FAF1: variants seen among roughly 807,000 people sequenced by gnomAD.
FAF1 encodes the protein FAS-associated factor 1.
Under a neutral mutation model 92.5 loss-of-function variants are expected in FAF1, and 25 were observed. That is an observed-to-expected ratio of 0.27 (90% CI 0.20 to 0.38). The LOEUF (loss-of-function observed/expected upper bound fraction) is 0.38, where lower values mean the gene tolerates loss of function less well. FAF1 is among the 10% of genes least tolerant of loss of function. FAF1 has a pLI of 1.00. For missense variants in FAF1, 636 were observed against 793.3 expected (o/e 0.80, Z 2.38); for synonymous variants, 234 against 273.2 (o/e 0.86, Z 1.42).
intron 8 of FAF1, among the ~76,000 whole-genome samples, chr1:50,647,203 A>G (rs1358832251): frequency 6.6e-6 from 1 of 152,096 alleles, no homozygotes; most frequent in African/African-American, 2.4e-5. Flanking sequence ...AACCTAACTT[A>G]ATAGGTAGAC....
chr1:50,657,748 C>T (rs1044308495), intron 7 of FAF1, among the ~76,000 whole-genome samples: 2 of 152,132 alleles, frequency 1.3e-5, no homozygotes, highest in African/African-American at 4.8e-5. Flanking sequence ...GATACTAGTT[C>T]ACTACGGAAA....
chr1:50,567,445 C>T (rs1212722786), intron 12 of FAF1, among the ~76,000 whole-genome samples: 1 of 152,074 alleles, frequency 6.6e-6, no homozygotes. Flanking sequence ...ATGATTATAT[C>T]TAATTCTGCA....
At chr1:50,712,079 C>T (rs1019484687) in intron 6 of FAF1, among the ~76,000 whole-genome samples, 11 of 152,156 alleles carry the variant, frequency 7.2e-5, no homozygotes, top group Admixed American at 6.5e-4. Context: ...TCAGAGATAA[C>T]ACTCTTATGA....
rs1430509253 is a variant in FAF1 at position 50,440,507 on chromosome 1, C to T, written c.*933G>A. The T allele has an allele frequency of 1.3e-5, 2 of 152,186 alleles. No homozygotes were observed. The highest frequency in any genetic ancestry group is 1.9e-4 in the East Asian group (1 of 5,200). The allele number at this position is 152,186 out of a possible 1,614,324, so 9.4% of individuals were successfully genotyped here. On this transcript the variant is annotated 3_prime_UTR_variant, in exon 19 of 19. Coordinates refer to ENST00000396153, the MANE Select transcript of FAF1 (RefSeq NM_007051.3). ...TTACAGGAGAGTCCATGGGGCTGCT[C>T]ATCAGATTTTGTTGATAGGCAAGGT...
chr1:50,865,292 G>A (rs970003967), intron 1 of FAF1, among the ~76,000 whole-genome samples: 1 of 151,956 alleles, frequency 6.6e-6, no homozygotes, highest in South Asian at 2.1e-4. Context: ...ATTCCTCAGG[G>A]ATCTAGAACT....
At chr1:50,802,272 T>C (rs749194911) in intron 2 of FAF1, among the ~76,000 whole-genome samples, 17 of 152,142 alleles carry the variant, frequency 1.1e-4, no homozygotes, top group Non-Finnish European at 2.1e-4. Flanking sequence ...GTATTTTTAG[T>C]AGAGACAGGG....
At chr1:50,946,179 A>C (rs556898717) in intron 1 of FAF1, among the ~76,000 whole-genome samples, 1 of 152,304 alleles carries the variant, frequency 6.6e-6, no homozygotes, top group Non-Finnish European at 1.5e-5. Flanking sequence ...CTCCTTTCAC[A>C]CTCAGTGTAG....
At chr1:50,832,843 T>A (rs1644166431) in intron 2 of FAF1, among the ~76,000 whole-genome samples, 1 of 152,152 alleles carries the variant, frequency 6.6e-6, no homozygotes, top group African/African-American at 2.4e-5. Flanking sequence ...TTTCTTTGCA[T>A]CCTCTTTTGA....
At chr1:50,783,229 T>C (rs528749408) in intron 4 of FAF1, among the ~76,000 whole-genome samples, 24 of 151,890 alleles carry the variant, frequency 1.6e-4, no homozygotes, top group Non-Finnish European at 3.4e-4. Flanking sequence ...TAATCAAAAA[T>C]CTCCCAACAA....
intron 13 of FAF1, among the ~76,000 whole-genome samples, chr1:50,542,235 A>G (rs1648791148): frequency 1.3e-5 from 2 of 152,198 alleles, no homozygotes; most frequent in Non-Finnish European, 2.9e-5. Flanking sequence ...TTCAAATTGC[A>G]ATCATCAAGA....
At chr1:50,503,319 T>A (rs1149794) in intron 15 of FAF1, among the ~76,000 whole-genome samples, 137,805 of 152,158 alleles carry the variant, frequency 0.91, 62,703 homozygotes, top group African/African-American at 0.97. Flanking sequence ...CCATAAAAAA[T>A]TGTATAGATA....
rs755424291 is a variant in FAF1 at position 50,874,758 on chromosome 1, C to CTTTTTTTTTTTTTTTT, written c.46-16777_46-16762dup. ...TTCTCCATCTTATTTTCTTTTCTTTCTTTTTTTTTTTTTTTTTTTTTTTTT... is the reference window on the plus strand; with the variant it reads ...TTCTCCATCTTATTTTCTTTTCTTTCTTTTTTTTTTTTTTTTTTTTTTTTTTTTTTTTTTTTTTTTT... On this transcript the variant is annotated intron_variant, in intron 1 of 18. Transcript: ENST00000396153. Among the ~76,000 whole-genome samples, 16 of 67,258 alleles carry CTTTTTTTTTTTTTTTT rather than the reference C, an allele frequency of 2.4e-4. 1 individual carries two copies. The highest frequency in any genetic ancestry group is 3.0e-4 in the Non-Finnish European group (11 of 36,412). The allele number at this position is 67,258 out of a possible 152,430, so 44.1% of individuals were successfully genotyped here. A position where few individuals can be genotyped will look rare whatever the true frequency, so the allele number is the denominator to read the frequency against.
intron 2 of FAF1, among the ~76,000 whole-genome samples, chr1:50,821,976 G>A (rs1477472550): frequency 2.0e-5 from 3 of 151,982 alleles, no homozygotes. Context: ...GGAGACCAAA[G>A]CAGAAGAAAA....
intron 4 of FAF1, among the ~76,000 whole-genome samples, chr1:50,784,571 T>C (rs889018333): frequency 1.3e-5 from 2 of 152,352 alleles, no homozygotes; most frequent in African/African-American, 4.8e-5. Flanking sequence ...CCCATGGTCA[T>C]GGACTGAAAA....
chr1:50,513,959 C>T (rs1306007425), intron 15 of FAF1, among the ~76,000 whole-genome samples: 3 of 152,294 alleles, frequency 2.0e-5, no homozygotes, highest in Non-Finnish European at 4.4e-5. Context: ...ACATTTTCTT[C>T]CTTCCAAACA....
At chr1:50,623,793 A>T (rs1391437423) in intron 8 of FAF1, among the ~76,000 whole-genome samples, 3 of 151,826 alleles carry the variant, frequency 2.0e-5, no homozygotes, top group Admixed American at 2.0e-4. Context: ...AATACAAAAA[A>T]TTAGGCAGGC....
chr1:50,788,435 A>G (rs1661441642), intron 3 of FAF1, among the ~76,000 whole-genome samples: 1 of 152,200 alleles, frequency 6.6e-6, no homozygotes, highest in African/African-American at 2.4e-5. Context: ...TAGCAGTATC[A>G]TATCATTTAG....
At chr1:50,928,782 C>CAAAAA (rs1157426126) in intron 1 of FAF1, among the ~76,000 whole-genome samples, 38 of 39,700 alleles carry the variant, frequency 9.6e-4, no homozygotes, top group African/African-American at 3.2e-3. Flanking sequence ...GACTCCACCT[C>CAAAAA]AAAAAAAAAA....
chr1:50,583,728 CAAA>C lies in FAF1; in HGVS notation c.968-16_968-14del. ...GCGTTTTCTGGCACTAAAAAACAAA[CAAA>C]AGAAAAAACAAAAACAAAAAAACAA... On this transcript the variant is annotated splice_polypyrimidine_tract_variant and intron_variant, in intron 10 of 18. Coordinates refer to ENST00000396153, the MANE Select transcript of FAF1 (RefSeq NM_007051.3). This position sits in a 1 kb window ranked among gnomAD's most constrained non-coding sequence, Gnocchi z 4.2. 6.4e-7 allele frequency: 1 copy of C among 1,554,484 alleles called. No individual in the cohort carries two copies. Among genetic ancestry groups the C allele is most frequent in the Admixed American group, 1.8e-5 (1 of 54,946 alleles).
Sources: gnomAD v4.1 joint callset for allele counts (sites outside exome capture counted in the v4.1 genomes callset) on GRCh38, gnomAD v4.1.1 for gene constraint, Gnocchi (gnomAD v3.1) non-coding constraint, MANE v1.5 for transcripts, NCBI Gene and HGNC (gene_info 2026-07-23, HGNC 2026-07-21) for gene names.